ACSM1: variants seen among roughly 807,000 people sequenced by gnomAD.
ACSM1 encodes acyl-coenzyme A synthetase ACSM1, mitochondrial.
Under a neutral mutation model 75.8 loss-of-function variants are expected in ACSM1, and 79 were observed. The ratio of observed to expected loss-of-function variants is 1.04; its 90% CI spans 0.87 to 1.26. The LOEUF (loss-of-function observed/expected upper bound fraction) is 1.26. ACSM1 is among the 50% of genes most tolerant of loss of function. The probability of loss-of-function intolerance (pLI) is 0.00; values close to 1 mark genes in which losing one functional copy is unlikely to be tolerated. For missense variants in ACSM1, 676 were observed against 720.1 expected (o/e 0.94, Z 0.70); for synonymous variants, 279 against 265.8 (o/e 1.05, Z -0.48).
rs201269386 is a variant in ACSM1, at chr16:20,685,351, T to C, written c.245A>G (p.Asp82Gly). ...PAFWWVNGQG[D>G]EVKWSFREMG... is the part of the protein sequence containing the mutation. ...CTCTCTGAAGCTCCACTTTACTTCA[T>C]CCCCTTGGCCATTCACCCACCAAAA... The change falls in exon 3 of 14, where the codon GAT becomes GGT. Residue 82 changes from aspartate (D) to glycine (G), a missense_variant. By Grantham distance (94) the Asp-to-Gly change is moderately conservative. Coordinates refer to ENST00000520010, the MANE Select transcript of ACSM1 (RefSeq NM_001318890.3). 2.5e-6 allele frequency: 4 copies of C among 1,614,034 alleles called. No individual in the cohort carries two copies. The African/African-American group carries it at 5.3e-5, about 22-fold the overall frequency.
At chr16:20,695,602 T>G (rs1024664495) in intron 1 of ACSM1, among the ~76,000 whole-genome samples, 1 of 152,164 alleles carries the variant, frequency 6.6e-6, no homozygotes, top group African/African-American at 2.4e-5. Flanking sequence ...ATCTATCATC[T>G]ATTTATCTAT....
chr16:20,655,363 G>A (rs1165635043), intron 7 of ACSM1, among the ~76,000 whole-genome samples: 4 of 151,724 alleles, frequency 2.6e-5, no homozygotes, highest in African/African-American at 7.3e-5. Context: ...AAACCTGTAC[G>A]TTGTGCACAT....
chr16:20,668,368 G>A (rs748257653), intron 6 of ACSM1, among the ~76,000 whole-genome samples: 10 of 152,168 alleles, frequency 6.6e-5, no homozygotes, highest in East Asian at 1.9e-4. Flanking sequence ...CTATAGCAGC[G>A]GAAGAATTAG....
intron 10 of ACSM1, 140 bp downstream of exon 10, chr16:20,636,599 C>T (rs62033279): frequency 0.43 from 275,090 of 643,096 alleles, 65,970 homozygotes; most frequent in Non-Finnish European, 0.51. Flanking sequence ...GGAGAATGCA[C>T]GGTGAGCTTC....
chr16:20,691,751 ATGTGTGTGTGTGTG>A (rs59929923), intron 1 of ACSM1, among the ~76,000 whole-genome samples: 3,247 of 134,074 alleles, frequency 0.024, 72 homozygotes, highest in African/African-American at 0.06. Context: ...TACCTCTCCA[ATGTGTGTGTGTGTG>A]TGTGTGTGTG....
intron 4 of ACSM1, among the ~76,000 whole-genome samples, chr16:20,672,471 A>AAAAAAAAATATATATATATAT (rs1555473775): frequency 1.5e-5 from 1 of 64,562 alleles, no homozygotes; most frequent in Non-Finnish European, 2.6e-5. Context: ...AAAAAAAAAA[A>AAAAAAAAATATATATATATAT]ATATATATAT....
chr16:20,678,836 T>G (rs1433585152), intron 4 of ACSM1, among the ~76,000 whole-genome samples: 2 of 152,228 alleles, frequency 1.3e-5, no homozygotes, highest in Non-Finnish European at 2.9e-5. Flanking sequence ...GGATCAGGTC[T>G]TGCCCATGGT....
chr16:20,671,216 T>A (rs1438803023), intron 5 of ACSM1, among the ~76,000 whole-genome samples: 1 of 152,140 alleles, frequency 6.6e-6, no homozygotes, highest in Non-Finnish European at 1.5e-5. Context: ...TTGTCATGTG[T>A]GTGGCATCTG....
intron 1 of ACSM1, among the ~76,000 whole-genome samples, chr16:20,691,841 C>T (rs1453414282): frequency 6.6e-6 from 1 of 151,042 alleles, no homozygotes; most frequent in African/African-American, 2.4e-5. Flanking sequence ...GGCTGTCTCC[C>T]TCTGGTGGAA....
chr16:20,696,840 G>T (rs1230314401), intron 1 of ACSM1, among the ~76,000 whole-genome samples: 1 of 152,146 alleles, frequency 6.6e-6, no homozygotes, highest in Non-Finnish European at 1.5e-5. Context: ...TGTGTTATAG[G>T]GTATCCCAGA....
chr16:20,690,716 G>C (rs2079637463), intron 2 of ACSM1, among the ~76,000 whole-genome samples: 1 of 152,068 alleles, frequency 6.6e-6, no homozygotes, highest in African/African-American at 2.4e-5. Context: ...CTTTGCACCT[G>C]GTCACAATTA....
intron 7 of ACSM1, among the ~76,000 whole-genome samples, chr16:20,647,786 T>C (rs2018442719): frequency 6.6e-6 from 1 of 152,210 alleles, no homozygotes; most frequent in Non-Finnish European, 1.5e-5. Context: ...AGGGCTTGCA[T>C]GTCTGACATA....
intron 1 of ACSM1, among the ~76,000 whole-genome samples, chr16:20,692,643 G>C (rs974020950): frequency 6.6e-6 from 1 of 152,194 alleles, no homozygotes; most frequent in Non-Finnish European, 1.5e-5. Context: ...AGGAAATGGG[G>C]TTCTTTATAG....
intron 6 of ACSM1, among the ~76,000 whole-genome samples, chr16:20,665,331 C>G (rs1375733709): frequency 6.6e-6 from 1 of 152,014 alleles, no homozygotes; most frequent in Non-Finnish European, 1.5e-5. Context: ...AATGGTCCCA[C>G]AGAAATATAA....
At chr16:20,658,447 A>G (rs1258199299) in intron 7 of ACSM1, among the ~76,000 whole-genome samples, 1 of 150,300 alleles carries the variant, frequency 6.7e-6, no homozygotes. Flanking sequence ...CCACTTTTTG[A>G]TGGGGTTGTT....
intron 10 of ACSM1, 28 bp from the exon 11 acceptor site, chr16:20,627,344 GA>G: frequency 6.5e-7 from 1 of 1,546,972 alleles, no homozygotes; most frequent in Non-Finnish European, 8.7e-7. Flanking sequence ...CTCCTTTGTT[GA>G]AGGCAGTGAA....
At chr16:20,656,634 C>G (rs1596861998) in intron 7 of ACSM1, among the ~76,000 whole-genome samples, 1 of 152,156 alleles carries the variant, frequency 6.6e-6, no homozygotes. Context: ...TCCTAACTGT[C>G]AAACTATGAA....
chr16:20,678,611 G>T (rs1010939899), intron 4 of ACSM1, among the ~76,000 whole-genome samples: 1 of 152,194 alleles, frequency 6.6e-6, no homozygotes, highest in Non-Finnish European at 1.5e-5. Context: ...GTTGTTAAAA[G>T]ACATTATTCC....
At chr16:20,637,345 C>G (rs1260020865) in intron 9 of ACSM1, 26 bp downstream of exon 9, 1 of 1,607,204 alleles carries the variant, frequency 6.2e-7, no homozygotes, top group Non-Finnish European at 8.5e-7. Flanking sequence ...CCTAACTGCT[C>G]CCTGCCAATG....
Sources: gnomAD v4.1 joint callset for allele counts (sites outside exome capture counted in the v4.1 genomes callset) on GRCh38, gnomAD v4.1.1 for gene constraint, MANE v1.5 for transcripts, NCBI Gene and HGNC (gene_info 2026-07-23, HGNC 2026-07-21) for gene names.